Variants in PIK3C2B observed in about 807,000 individuals in gnomAD.
PIK3C2B encodes the protein phosphatidylinositol 4-phosphate 3-kinase C2 domain-containing subunit beta.
PIK3C2B carries 83 observed loss-of-function variants against 184.3 expected under a neutral mutation model. The observed-to-expected ratio is 0.45, with a 90% CI of 0.38 to 0.54. PIK3C2B has a LOEUF of 0.54. Among genes scored for constraint, PIK3C2B ranks in the 20% least tolerant of loss-of-function variants. The pLI is 0.00. For synonymous variants in PIK3C2B, 779 were observed against 837.6 expected, an observed-to-expected ratio of 0.93 and a Z score of 1.21; for missense variants, 1,736 against 2,113.5, an observed-to-expected ratio of 0.82 and a Z score of 3.50.
At chr1:204,460,971 G>A (rs995282049) in intron 5 of PIK3C2B, among the ~76,000 whole-genome samples, 7 of 152,160 alleles carry the variant, frequency 4.6e-5, no homozygotes, top group African/African-American at 1.7e-4. Flanking sequence ...TGGAGAGAGC[G>A]GGGAAACAGA....
chr1:204,439,768 G>T (rs967804996), intron 22 of PIK3C2B, among the ~76,000 whole-genome samples: 4 of 152,130 alleles, frequency 2.6e-5, no homozygotes, highest in African/African-American at 9.7e-5. Context: ...CCGAGGAGGT[G>T]GGACTGCAGG....
chr1:204,437,206 A>C (rs190837624), intron 23 of PIK3C2B, among the ~76,000 whole-genome samples: 3 of 152,220 alleles, frequency 2.0e-5, no homozygotes, highest in African/African-American at 4.8e-5. Context: ...TTAAAAAAAA[A>C]AACAACAGCT....
At chr1:204,453,822 G>A (rs994655510) in intron 12 of PIK3C2B, among the ~76,000 whole-genome samples, 1 of 149,892 alleles carries the variant, frequency 6.7e-6, no homozygotes, top group Admixed American at 6.6e-5. Flanking sequence ...TGCCCAGGCT[G>A]GAGTGCAATG....
chr1:204,434,395 C>G, intron 24 of PIK3C2B, 44 bp downstream of exon 24: 1 of 1,582,756 alleles, frequency 6.3e-7, no homozygotes, highest in Non-Finnish European at 8.7e-7. Flanking sequence ...TGTTGCTCAC[C>G]TCCTTGCCCT....
intron 28 of PIK3C2B, chr1:204,431,269 T>A: frequency 4.1e-6 from 1 of 244,240 alleles, no homozygotes; most frequent in Non-Finnish European, 8.1e-6. Flanking sequence ...CTTATTTCAC[T>A]TAGCAGAATG....
intron 28 of PIK3C2B, among the ~76,000 whole-genome samples, chr1:204,430,578 C>T (rs1674996330): frequency 6.6e-6 from 1 of 151,978 alleles, no homozygotes. Flanking sequence ...CTCCTTAGCT[C>T]ATGATCTGCC....
intron 8 of PIK3C2B, among the ~76,000 whole-genome samples, chr1:204,458,371 C>A (rs1400597997): frequency 6.6e-6 from 1 of 152,180 alleles, no homozygotes; most frequent in Non-Finnish European, 1.5e-5. Context: ...GGCCAATCCC[C>A]TTCCTCTAGC....
chr1:204,476,593 A>T (rs1009735061), intron 1 of PIK3C2B, among the ~76,000 whole-genome samples: 9 of 152,206 alleles, frequency 5.9e-5, no homozygotes, highest in Non-Finnish European at 1.3e-4. Flanking sequence ...CCATTCCCTT[A>T]GTCTTCAAGG....
rs368654473 is a variant in PIK3C2B, at chr1:204,438,947, G to A, written c.3504C>T (p.Asp1168=). The change falls in exon 23 of 33, where the codon GAC becomes GAT. Residue 1168 remains aspartate, a synonymous_variant. Coordinates refer to ENST00000684373, the MANE Select transcript of PIK3C2B (RefSeq NM_001377334.1). ...DWLQKHNPGE[D]EYEKAVENFI... ...CCCACAACCCTACCTTCTCATACTC[G>A]TCCTCCCCAGGGTTGTGTTTCTGCA... The A allele has an allele frequency of 1.7e-5, 27 of 1,613,478 alleles. No homozygotes were observed. The highest frequency in any genetic ancestry group is 1.6e-4 in the African/African-American group (12 of 74,868).
At chr1:204,441,382 G>A (rs1675651650) in intron 21 of PIK3C2B, 89 bp downstream of exon 21, 3 of 763,004 alleles carry the variant, frequency 3.9e-6, no homozygotes, top group African/African-American at 3.4e-5. Flanking sequence ...AGTGGGAAGA[G>A]AACCACCCAG....
intron 23 of PIK3C2B, among the ~76,000 whole-genome samples, chr1:204,436,644 G>A (rs901043021): frequency 2.6e-5 from 4 of 152,162 alleles, no homozygotes; most frequent in African/African-American, 7.2e-5. Flanking sequence ...GTGTATTCTC[G>A]TACATTCTTC....
At chr1:204,455,118 G>A (rs548062114) in intron 11 of PIK3C2B, among the ~76,000 whole-genome samples, 6 of 152,348 alleles carry the variant, frequency 3.9e-5, no homozygotes, top group East Asian at 3.9e-4. Context: ...GTGTGTGCGC[G>A]TGCACGTGCA....
chr1:204,456,877 C>CAT (rs1392512235), intron 10 of PIK3C2B, among the ~76,000 whole-genome samples, 160 bp downstream of exon 10: 1 of 65,440 alleles, frequency 1.5e-5, no homozygotes, highest in African/African-American at 3.9e-5. Flanking sequence ...TATAGGAACA[C>CAT]ACACACACAC....
At chr1:204,434,068 G>T in intron 24 of PIK3C2B, 119 bp from the exon 25 acceptor site, 2 of 769,678 alleles carry the variant, frequency 2.6e-6, no homozygotes, top group Admixed American at 2.5e-5. Flanking sequence ...GGATAGAAGG[G>T]GCTCTAACTT....
At chr1:204,472,617 A>T (rs1656386336) in intron 1 of PIK3C2B, among the ~76,000 whole-genome samples, 1 of 152,070 alleles carries the variant, frequency 6.6e-6, no homozygotes, top group Admixed American at 6.5e-5. Context: ...CGTTTCTACT[A>T]AAAATACAAA....
chr1:204,451,485 C>T (rs1293023772), intron 12 of PIK3C2B, among the ~76,000 whole-genome samples: 1 of 152,190 alleles, frequency 6.6e-6, no homozygotes, highest in Non-Finnish European at 1.5e-5. Flanking sequence ...GCAGCCCTTA[C>T]CTTCCTCCCT....
intron 6 of PIK3C2B, 62 bp downstream of exon 6, chr1:204,460,488 T>C: frequency 6.5e-7 from 1 of 1,546,052 alleles, no homozygotes; most frequent in East Asian, 2.2e-5. Flanking sequence ...TGATGTGTTC[T>C]ATATTGTATT....
rs901861478 is a variant in PIK3C2B at position 204,444,258 on chromosome 1, G to T, written c.2772+73C>A. 8 of 1,462,602 alleles carry T rather than the reference G, an allele frequency of 5.5e-6. No homozygotes were observed. The South Asian group carries it at 8.0e-5, about 15-fold the overall frequency. 90.6% of individuals were successfully genotyped at this position (1,462,602 alleles called of 1,614,324 possible). A position where few individuals can be genotyped will look rare whatever the true frequency, so the allele number is the denominator to read the frequency against. On this transcript the variant is annotated intron_variant, in intron 17 of 32. Transcript: ENST00000684373. ...TGCACTGGGATCTCTGGTTTCTAAGGGGCAGAATGCAGACTCACTTGGGAT... is the reference window on the plus strand; with the variant it reads ...TGCACTGGGATCTCTGGTTTCTAAGTGGCAGAATGCAGACTCACTTGGGAT...
Position 204,454,749 on chromosome 1 carries a change from G to A in PIK3C2B, c.1986C>T (p.Gly662=). Reference sequence around the variant, plus strand: ...TCTGCAGGGGGCTGCACAGCTCCTTGCCGCCATGGCTGAGGGAGCAGGAGA... The same window carrying A: ...TCTGCAGGGGGCTGCACAGCTCCTTACCGCCATGGCTGAGGGAGCAGGAGA... ...FYLSCSLSHG[G]KELCSPLQTR... is the part of the protein sequence containing the mutation. The change falls in exon 12 of 33, where the codon GGC becomes GGT. Residue 662 remains glycine, a synonymous_variant. Coordinates refer to ENST00000684373, the MANE Select transcript of PIK3C2B (RefSeq NM_001377334.1). 1 of 1,613,554 alleles carries A rather than the reference G, an allele frequency of 6.2e-7. No homozygotes were observed. The highest frequency in any genetic ancestry group is 1.1e-5 in the South Asian group (1 of 91,080).
Sources: allele counts gnomAD v4.1 joint callset (sites outside exome capture counted in the v4.1 genomes callset), GRCh38; gene constraint gnomAD v4.1.1; transcripts MANE v1.5; gene names NCBI Gene and HGNC (gene_info 2026-07-23, HGNC 2026-07-21).